Variants in PHF20 observed in about 807,000 individuals in gnomAD.
PHF20 encodes glioma-expressed antigen 2.
Under a neutral mutation model 113.5 loss-of-function variants are expected in PHF20, and 23 were observed. The observed-to-expected ratio is 0.20, with a 90% CI of 0.15 to 0.29. The LOEUF (loss-of-function observed/expected upper bound fraction) is 0.29, where lower values mean the gene tolerates loss of function less well. Ranked by LOEUF, PHF20 falls within the 10% of genes least tolerant of loss-of-function variation. The pLI, the probability that PHF20 is intolerant of heterozygous loss-of-function variation, is 1.00. For missense variants in PHF20, 943 were observed against 1,219.6 expected (o/e 0.77, Z 3.38); for synonymous variants, 434 against 457.3 (o/e 0.95, Z 0.65).
Position 35,884,506 on chromosome 20 carries a change from C to G in PHF20, c.1282+12677C>G, listed in dbSNP as rs549063573. Among the ~76,000 whole-genome samples, 19 of 152,272 alleles carry G rather than the reference C, an allele frequency of 1.2e-4. No homozygotes were observed. The South Asian group carries it at 3.7e-3, about 30-fold the overall frequency. ...CAGAGATCTGCATTCCAGGGGCTAG[C>G]CTTGAAATGTTCACCAGGACTATAT... On this transcript the variant is annotated intron_variant, in intron 9 of 17. Transcript: ENST00000374012.
chr20:35,891,229 T>C (rs1241109635), intron 9 of PHF20, among the ~76,000 whole-genome samples: 1 of 151,912 alleles, frequency 6.6e-6, no homozygotes, highest in African/African-American at 2.4e-5. Context: ...ATACAAAAAT[T>C]AGCTGGGCGT....
In PHF20 at chr20:35,863,214, G is replaced by C. The variant is rs1307439570; in HGVS notation, c.622G>C (p.Val208Leu). The C allele has an allele frequency of 6.2e-7, 1 of 1,613,886 alleles. No individual in the cohort carries two copies. The highest frequency in any genetic ancestry group is 8.5e-7 in the Non-Finnish European group (1 of 1,179,996). The change falls in exon 6 of 18, where the codon GTG becomes CTG. Residue 208 changes from valine (V) to leucine (L), a missense_variant. Val to Leu is a conservative substitution (Grantham distance 32). Around this residue, in one of 3 missense-constraint regions of PHF20, gnomAD observed 592 missense variants for 787.2 expected, o/e 0.75. Coordinates refer to ENST00000374012, the MANE Select transcript of PHF20 (RefSeq NM_016436.5). ...GKLICSEKGK[V>L]SEKSLPKNEK... ...GTTAATCTGTTCTGAAAAGGGGAAA[G>C]TGTCAGAGAAAAGTCTTCCCAAGAA...
intron 17 of PHF20, among the ~76,000 whole-genome samples, chr20:35,943,813 G>T (rs933254483): frequency 2.0e-5 from 3 of 151,928 alleles, no homozygotes; most frequent in Non-Finnish European, 4.4e-5. Flanking sequence ...TAGAGACGGG[G>T]TTTCACTATG....
chr20:35,908,523 G>C (rs1230635127), intron 10 of PHF20, among the ~76,000 whole-genome samples: 1 of 152,132 alleles, frequency 6.6e-6, no homozygotes, highest in African/African-American at 2.4e-5. Flanking sequence ...TAAGCTGATG[G>C]GTATAATTAC....
intron 9 of PHF20, among the ~76,000 whole-genome samples, chr20:35,895,304 G>A (rs1356867104): frequency 6.6e-6 from 1 of 152,064 alleles, no homozygotes; most frequent in African/African-American, 2.4e-5. Context: ...GATTACAGGT[G>A]TGAGCCACCG....
chr20:35,913,912 T>A, intron 11 of PHF20, 121 bp from the exon 12 acceptor site: 2 of 919,982 alleles, frequency 2.2e-6, no homozygotes, highest in Non-Finnish European at 3.3e-6. Context: ...TCTTTTTGGT[T>A]GAATTGTCCC....
At chr20:35,931,503 T>A in intron 15 of PHF20, 59 bp downstream of exon 15, 1 of 1,327,314 alleles carries the variant, frequency 7.5e-7, no homozygotes, top group Non-Finnish European at 1.0e-6. Flanking sequence ...GGGGGCTGAG[T>A]AAATCTGAGA....
intron 1 of PHF20, among the ~76,000 whole-genome samples, chr20:35,778,248 T>C (rs2041214991): frequency 6.6e-6 from 1 of 152,158 alleles, no homozygotes. Flanking sequence ...CATGCCCAAC[T>C]AATTTTTTGT....
At chr20:35,797,234 C>CG (rs2041684129) in intron 1 of PHF20, among the ~76,000 whole-genome samples, 1 of 149,480 alleles carries the variant, frequency 6.7e-6, no homozygotes, top group East Asian at 2.1e-4. Context: ...AAAAATGGGC[C>CG]GGGCGTGGTG....
At chr20:35,946,290 C>T (rs1240355097) in intron 17 of PHF20, among the ~76,000 whole-genome samples, 3 of 152,004 alleles carry the variant, frequency 2.0e-5, no homozygotes, top group Admixed American at 6.6e-5. Context: ...AAAAATTCGC[C>T]GGGCGTGGTG....
intron 2 of PHF20, among the ~76,000 whole-genome samples, chr20:35,832,802 C>A (rs2042377148): frequency 6.6e-6 from 1 of 152,130 alleles, no homozygotes; most frequent in African/African-American, 2.4e-5. Context: ...GTATTCCCAG[C>A]ACTTTGGGAG....
chr20:35,801,432 A>G (rs1008113103), intron 1 of PHF20, 59 bp from the exon 2 acceptor site: 2 of 829,570 alleles, frequency 2.4e-6, no homozygotes, highest in Non-Finnish European at 4.1e-6. Flanking sequence ...GTAGTGAATG[A>G]TGCTACACTC....
At chr20:35,942,662 A>G (rs2056005098) in intron 17 of PHF20, among the ~76,000 whole-genome samples, 4 of 152,110 alleles carry the variant, frequency 2.6e-5, no homozygotes, top group Non-Finnish European at 5.9e-5. Context: ...CATTTCTAAG[A>G]CTCTAGGCCC....
intron 1 of PHF20, among the ~76,000 whole-genome samples, chr20:35,799,638 T>G (rs1345397227): frequency 1.3e-5 from 2 of 152,050 alleles, no homozygotes; most frequent in Non-Finnish European, 2.9e-5. Flanking sequence ...ATTAGTAGAT[T>G]AATTACCTCA....
At chr20:35,841,481 G>GT (rs1379154655) in intron 2 of PHF20, among the ~76,000 whole-genome samples, 1 of 151,812 alleles carries the variant, frequency 6.6e-6, no homozygotes, top group Non-Finnish European at 1.5e-5. Context: ...TAATAACCGC[G>GT]TAGTATAAGG....
intron 10 of PHF20, among the ~76,000 whole-genome samples, chr20:35,904,767 C>CTCCCTTCCTTCCTTCCTTCCTTCCT (rs1555799926): frequency 4.8e-5 from 6 of 125,614 alleles, no homozygotes; most frequent in African/African-American, 1.7e-4. Context: ...GATTTCTTTT[C>CTCCCTTCCTTCCTTCCTTCCTTCCT]TCCTTCCTTC....
intron 16 of PHF20, 140 bp downstream of exon 16, chr20:35,939,248 C>A: frequency 2.0e-6 from 2 of 1,023,942 alleles, no homozygotes; most frequent in Non-Finnish European, 1.4e-6. Context: ...TTTTGGTTTG[C>A]CAAAATGGGT....
intron 1 of PHF20, among the ~76,000 whole-genome samples, chr20:35,780,000 A>G (rs1368474112): frequency 6.6e-6 from 1 of 152,180 alleles, no homozygotes; most frequent in Non-Finnish European, 1.5e-5. Flanking sequence ...AGAGGAGGAA[A>G]CTGAGATGAG....
intron 4 of PHF20, among the ~76,000 whole-genome samples, chr20:35,852,177 T>C (rs2042744407): frequency 6.6e-6 from 1 of 152,218 alleles, no homozygotes; most frequent in Non-Finnish European, 1.5e-5. Context: ...AGGTCTGTGG[T>C]TCTACAGAGT....
Sources: gnomAD v4.1 joint callset for allele counts (sites outside exome capture counted in the v4.1 genomes callset) on GRCh38, gnomAD v4.1.1 for gene constraint, gnomAD v4.1.1 regional missense constraint, MANE v1.5 for transcripts, NCBI Gene and HGNC (gene_info 2026-07-23, HGNC 2026-07-21) for gene names.